LRP11: variants seen among roughly 807,000 people sequenced by gnomAD.
The protein encoded by LRP11 is LDL receptor related protein 11.
Under a neutral mutation model 43.1 loss-of-function variants are expected in LRP11, and 25 were observed. The observed-to-expected ratio is 0.58, with a 90% CI of 0.42 to 0.81. LRP11 has a LOEUF of 0.81. Ranked by LOEUF, LRP11 falls within the 30% of genes least tolerant of loss-of-function variation. The pLI is 0.00. For synonymous variants in LRP11, 316 were observed against 299.4 expected (o/e 1.06, Z -0.57); for missense variants, 623 against 665.1 (o/e 0.94, Z 0.70).
chr6:149,830,256 C>A (rs1052089361), intron 5 of LRP11, among the ~76,000 whole-genome samples: 1 of 152,076 alleles, frequency 6.6e-6, no homozygotes, highest in Non-Finnish European at 1.5e-5. Flanking sequence ...GGTGATCCAC[C>A]CGCCGTGGCC....
Position 149,863,624 on chromosome 6 carries a change from C to T in LRP11, c.397G>A (p.Ala133Thr). 1.4e-6 allele frequency: 2 copies of T among 1,468,118 alleles called. No homozygotes were observed. Among genetic ancestry groups the T allele is most frequent in the Non-Finnish European group, 9.0e-7 (1 of 1,116,730 alleles). The allele number at this position is 1,468,118 out of a possible 1,614,324, so 90.9% of individuals were successfully genotyped here. A position where few individuals can be genotyped will look rare whatever the true frequency, so the allele number is the denominator to read the frequency against. ...AVRGWRQCVA[A>T]CCSEPRCSVA... ...GAGCAGCGCGGCTCGGAGCAGCAGG[C>T]CGCCACGCATTGCCGCCAGCCCCGC... The change falls in exon 1 of 7, where the codon GCC (alanine) becomes ACC (threonine). Residue 133 changes from alanine (A) to threonine (T), a missense_variant. By Grantham distance (58) the Ala-to-Thr change is moderately conservative. Transcript: ENST00000239367.
chr6:149,833,179 C>T (rs565980332), intron 5 of LRP11, among the ~76,000 whole-genome samples: 4 of 152,202 alleles, frequency 2.6e-5, no homozygotes, highest in South Asian at 2.1e-4. Context: ...CCTCATGATC[C>T]GCCCACCTCG....
intron 5 of LRP11, among the ~76,000 whole-genome samples, chr6:149,833,796 C>T (rs1776437887): frequency 6.6e-6 from 1 of 152,202 alleles, no homozygotes; most frequent in Non-Finnish European, 1.5e-5. Flanking sequence ...AAGGAGAGAT[C>T]ATAAATAGAT....
chr6:149,853,096 C>A lies in LRP11; in HGVS notation c.678G>T (p.Gly226=), dbSNP rs549151422. The A allele has an allele frequency of 2.5e-6, 4 of 1,612,668 alleles. No individual in the cohort carries two copies. The highest frequency in any genetic ancestry group is 2.2e-5 in the South Asian group (2 of 90,872). The change falls in exon 2 of 7, where the codon GGG becomes GGT. Residue 226 remains glycine (G), a synonymous_variant. Coordinates refer to ENST00000239367, the MANE Select transcript of LRP11 (RefSeq NM_032832.6). The stretch of plus-strand genomic sequence containing the variant: ...TGCTCTCGCGGCCGTCTAGAACCAC[C>A]CCGTCTGTGGGCAGATGCAGAACCA... ...QDVVLHLPTD[G]VVLDGRESTD... is the part of the protein sequence containing the mutation.
intron 1 of LRP11, among the ~76,000 whole-genome samples, chr6:149,857,024 C>T (rs553283413): frequency 1.3e-5 from 2 of 152,280 alleles, no homozygotes; most frequent in East Asian, 3.9e-4. Context: ...TGATCCAGTC[C>T]TTCTCCCTAT....
intron 1 of LRP11, among the ~76,000 whole-genome samples, chr6:149,853,506 A>G (rs558265115): frequency 6.6e-6 from 1 of 152,298 alleles, no homozygotes; most frequent in East Asian, 1.9e-4. Context: ...AATTTATTTT[A>G]AAAGATTATT....
intron 6 of LRP11, among the ~76,000 whole-genome samples, chr6:149,823,362 T>A (rs576297465): frequency 7.2e-5 from 11 of 152,178 alleles, no homozygotes; most frequent in South Asian, 2.1e-4. Flanking sequence ...GAAACAGAGA[T>A]GAAAAACACG....
At chr6:149,826,153 C>T (rs770880731) in intron 6 of LRP11, 111 bp downstream of exon 6, 37 of 831,898 alleles carry the variant, frequency 4.4e-5, no homozygotes, top group Admixed American at 1.9e-4. Flanking sequence ...GGTCCACTGA[C>T]GGACTCCTCC....
At chr6:149,863,191 A>G (rs1776954430) in intron 1 of LRP11, among the ~76,000 whole-genome samples, 1 of 152,176 alleles carries the variant, frequency 6.6e-6, no homozygotes, top group Admixed American at 6.5e-5. Flanking sequence ...CTTCAAGCCT[A>G]GAAAAATTCC....
At chr6:149,828,290 A>G (rs192457681) in intron 5 of LRP11, among the ~76,000 whole-genome samples, 93 of 152,280 alleles carry the variant, frequency 6.1e-4, no homozygotes, top group African/African-American at 2.1e-3. Context: ...TATTTAATAC[A>G]GAAAAATAAG....
intron 5 of LRP11, among the ~76,000 whole-genome samples, chr6:149,830,174 C>T (rs1180199708): frequency 6.6e-6 from 1 of 151,912 alleles, no homozygotes; most frequent in Non-Finnish European, 1.5e-5. Flanking sequence ...CCACGCCTGG[C>T]TAATTTTTGT....
chr6:149,838,584 C>T (rs1776503458), intron 3 of LRP11, among the ~76,000 whole-genome samples: 1 of 151,142 alleles, frequency 6.6e-6, no homozygotes, highest in South Asian at 2.1e-4. Context: ...ACTCGGGAGG[C>T]TGAGACAGGA....
chr6:149,851,497 T>A (rs972208007), intron 2 of LRP11, among the ~76,000 whole-genome samples: 7 of 151,268 alleles, frequency 4.6e-5, no homozygotes, highest in African/African-American at 1.7e-4. Flanking sequence ...TTGGTGATGT[T>A]CTTTCTTTCT....
At position 149,853,123 on chromosome 6, in the gene LRP11, A is replaced by G; in HGVS notation, c.651T>C (p.Asp217=). 1 of 1,610,402 alleles carries G rather than the reference A, an allele frequency of 6.2e-7. No homozygotes were observed. The highest frequency in any genetic ancestry group is 1.1e-5 in the South Asian group (1 of 90,494). Residue 217 remains aspartate, a synonymous_variant, in exon 2 of 7, where the codon GAT becomes GAC. Transcript: ENST00000239367. ...DAPPLSKAGQ[D]VVLHLPTDGV... Reference sequence around the variant, plus strand: ...CGTCTGTGGGCAGATGCAGAACCACATCCTGCCCAGCCTTGCTAAGTGGAG... The same window carrying G: ...CGTCTGTGGGCAGATGCAGAACCACGTCCTGCCCAGCCTTGCTAAGTGGAG...
At chr6:149,844,945 T>TG (rs926814194) in intron 2 of LRP11, among the ~76,000 whole-genome samples, 2 of 152,148 alleles carry the variant, frequency 1.3e-5, no homozygotes, top group African/African-American at 4.8e-5. Context: ...TCAGAGTCAG[T>TG]GGGTTGGTCA....
intron 5 of LRP11, among the ~76,000 whole-genome samples, chr6:149,829,864 C>T (rs1422372291): frequency 6.6e-6 from 1 of 152,122 alleles, no homozygotes; most frequent in Non-Finnish European, 1.5e-5. Context: ...CTCTCTTACC[C>T]TGGTTTCCTA....
chr6:149,863,772 G>C lies in LRP11; in HGVS notation c.249C>G (p.Gly83=). The change falls in exon 1 of 7, where the codon GGC becomes GGG. Residue 83 remains glycine, a synonymous_variant. Transcript: ENST00000239367. Reference sequence around the variant, plus strand: ...GGCCCGGGCAGTCCTCCTGGGGGCCGCCGCCCGCGCGCAGCTCCAGCTCCA... The same window carrying C: ...GGCCCGGGCAGTCCTCCTGGGGGCCCCCGCCCGCGCGCAGCTCCAGCTCCA... ...EELELELRAG[G]GPQEDCPGPG... is the part of the protein sequence containing the mutation. 1 of 1,477,434 alleles carries C rather than the reference G, an allele frequency of 6.8e-7. No homozygotes were observed. The highest frequency in any genetic ancestry group is 8.9e-7 in the Non-Finnish European group (1 of 1,120,790). The allele number at this position is 1,477,434 out of a possible 1,614,324, so 91.5% of individuals were successfully genotyped here. A position where few individuals can be genotyped will look rare whatever the true frequency, so the allele number is the denominator to read the frequency against.
intron 2 of LRP11, among the ~76,000 whole-genome samples, chr6:149,849,587 T>A (rs984032990): frequency 1.3e-5 from 2 of 151,816 alleles, no homozygotes; most frequent in African/African-American, 4.8e-5. Context: ...TGAGACCTCA[T>A]CTCTACAAAA....
At chr6:149,855,588 C>T (rs372919351) in intron 1 of LRP11, among the ~76,000 whole-genome samples, 3 of 152,034 alleles carry the variant, frequency 2.0e-5, no homozygotes, top group East Asian at 1.9e-4. Context: ...AAAAAGCAGC[C>T]GGACCTTGAT....
Sources: gnomAD v4.1 joint callset for allele counts (sites outside exome capture counted in the v4.1 genomes callset) on GRCh38, gnomAD v4.1.1 for gene constraint, MANE v1.5 for transcripts, NCBI Gene and HGNC (gene_info 2026-07-23, HGNC 2026-07-21) for gene names.